The following YEATS2 variants were observed in gnomAD, a reference collection of about 807,000 sequenced individuals.
The protein encoded by YEATS2 is YEATS domain containing 2, also known as YEATS domain-containing protein 2.
A neutral mutation model predicts 163.2 loss-of-function variants in YEATS2; 77 were observed. The ratio of observed to expected loss-of-function variants is 0.47; its 90% CI spans 0.39 to 0.57. YEATS2 has a LOEUF of 0.57. Among genes scored for constraint, YEATS2 ranks in the 20% least tolerant of loss-of-function variants. The pLI is 0.00. For synonymous variants in YEATS2, 631 were observed against 645.1 expected, an observed-to-expected ratio of 0.98 and a Z score of 0.33; for missense variants, 1,549 against 1,729.8, an observed-to-expected ratio of 0.90 and a Z score of 1.85.
At chr3:183,761,336 C>T (rs1326313149) in intron 13 of YEATS2, among the ~76,000 whole-genome samples, 171 bp from the exon 14 acceptor site, 1 of 152,202 alleles carries the variant, frequency 6.6e-6, no homozygotes, top group Non-Finnish European at 1.5e-5. Context: ...ATCCACCCAC[C>T]TCTGCCTCCC....
intron 8 of YEATS2, among the ~76,000 whole-genome samples, chr3:183,746,703 T>TATTAA (rs936914007): frequency 6.6e-6 from 1 of 150,440 alleles, no homozygotes; most frequent in African/African-American, 2.5e-5. Flanking sequence ...AAGGTTTAAA[T>TATTAA]ATTAAAACTC....
chr3:183,735,964 G>A (rs1718294544), intron 7 of YEATS2, among the ~76,000 whole-genome samples: 1 of 152,114 alleles, frequency 6.6e-6, no homozygotes, highest in Non-Finnish European at 1.5e-5. Flanking sequence ...ATTGTTTTGA[G>A]TACTTAATGA....
intron 1 of YEATS2, among the ~76,000 whole-genome samples, chr3:183,713,720 G>A (rs541997661): frequency 6.6e-6 from 1 of 152,362 alleles, no homozygotes; most frequent in East Asian, 1.9e-4. Flanking sequence ...CTTTGGAAGA[G>A]GAGCACTGTC....
At chr3:183,803,392 C>A in intron 26 of YEATS2, 57 bp downstream of exon 26, 1 of 1,458,606 alleles carries the variant, frequency 6.9e-7, no homozygotes, top group East Asian at 2.3e-5. Context: ...TCTTATGGAA[C>A]AGGGATAAGA....
Position 183,711,422 on chromosome 3 carries a change from G to T in YEATS2, c.-19-3722G>T, listed in dbSNP as rs1194232979. On this transcript the variant is annotated intron_variant, in intron 1 of 30. Transcript: ENST00000305135. ...CGGGAGGTGGAGCTTGCAGTGAGCT[G>T]AGATCGCGCCACTGCACTCCAGCCT... 2.7e-5 allele frequency among the ~76,000 whole-genome samples: 4 copies of T among 145,884 alleles called. No homozygotes were observed. The Admixed American group carries it at 2.8e-4, about 10-fold the overall frequency.
At chr3:183,726,833 C>G (rs185815991) in intron 6 of YEATS2, among the ~76,000 whole-genome samples, 1 of 152,222 alleles carries the variant, frequency 6.6e-6, no homozygotes, top group African/African-American at 2.4e-5. Flanking sequence ...CGGAGTTTTA[C>G]TCTTGTTGCC....
chr3:183,809,446 T>C (rs907486405), intron 30 of YEATS2: 17 of 290,678 alleles, frequency 5.8e-5, no homozygotes, highest in Non-Finnish European at 8.3e-5. Flanking sequence ...TGAATAAATA[T>C]TAGCTTTGCA....
rs762398517 is a variant in YEATS2, at chr3:183,724,499, A to G, written c.618A>G (p.Val206=). The change falls in exon 6 of 31, where the codon GTA becomes GTG. Residue 206 remains valine, a synonymous_variant. Coordinates refer to ENST00000305135, the MANE Select transcript of YEATS2 (RefSeq NM_018023.5). Reference sequence around the variant, plus strand: ...CAGATGAGACTTCACGACTTTTTGTAAAGAAAACAATAGTAGTGGGCAATG... The same window carrying G: ...CAGATGAGACTTCACGACTTTTTGTGAAGAAAACAATAGTAGTGGGCAATG... ...DLTDETSRLF[V]KKTIVVGNVS... 2 of 1,613,516 alleles carry G rather than the reference A, an allele frequency of 1.2e-6. No individual in the cohort carries two copies. Among genetic ancestry groups the G allele is most frequent in the East Asian group, 2.2e-5 (1 of 44,858 alleles).
At chr3:183,803,679 G>A (rs1725904924) in intron 26 of YEATS2, 1 of 483,430 alleles carries the variant, frequency 2.1e-6, no homozygotes, top group Non-Finnish European at 3.7e-6. Flanking sequence ...ACCAGGTGAA[G>A]ATCCTTACAG....
intron 20 of YEATS2, 136 bp from the exon 21 acceptor site, chr3:183,790,661 G>C: frequency 1.2e-6 from 1 of 866,266 alleles, no homozygotes; most frequent in East Asian, 2.7e-5. Flanking sequence ...TTTTTTAAAT[G>C]GTATGGCATT....
At chr3:183,716,249 G>A (rs189402567) in intron 2 of YEATS2, among the ~76,000 whole-genome samples, 29 of 152,244 alleles carry the variant, frequency 1.9e-4, no homozygotes, top group Admixed American at 8.5e-4. Flanking sequence ...GTGAGCCACC[G>A]CGCCCGGCAA....
intron 18 of YEATS2, among the ~76,000 whole-genome samples, chr3:183,776,875 C>A (rs1361430929): frequency 4.0e-5 from 6 of 151,790 alleles, no homozygotes; most frequent in Non-Finnish European, 8.8e-5. Flanking sequence ...TCACTTGAAC[C>A]CGGGAGGCAG....
intron 1 of YEATS2, among the ~76,000 whole-genome samples, chr3:183,709,675 A>T (rs113344237): frequency 9.6e-5 from 12 of 125,158 alleles, no homozygotes; most frequent in South Asian, 2.5e-4. Context: ...AATGAGATAA[A>T]TTTTTTTTTT....
At chr3:183,798,499 G>A (rs760051966) in intron 22 of YEATS2, among the ~76,000 whole-genome samples, 43 of 152,018 alleles carry the variant, frequency 2.8e-4, no homozygotes, top group Admixed American at 9.8e-4. Flanking sequence ...GACTACAGGC[G>A]CGTGCCACCA....
intron 19 of YEATS2, among the ~76,000 whole-genome samples, chr3:183,782,683 C>G (rs1276947967): frequency 6.6e-6 from 1 of 152,208 alleles, no homozygotes; most frequent in African/African-American, 2.4e-5. Context: ...CTCGGCTTCC[C>G]AAAGTGCTGG....
chr3:183,776,116 C>G lies in YEATS2; in HGVS notation c.2570C>G (p.Thr857Ser). 1.9e-6 allele frequency: 3 copies of G among 1,567,762 alleles called. No individual in the cohort carries two copies. Among genetic ancestry groups the G allele is most frequent in the Non-Finnish European group, 2.6e-6 (3 of 1,158,260 alleles). The change falls in exon 18 of 31, where the codon ACT becomes AGT. Residue 857 changes from threonine to serine, a missense_variant. Transcript: ENST00000305135. Reference protein sequence around the residue: ...LTYTSYILKQTPQGTFLVGQP... With the variant: ...LTYTSYILKQSPQGTFLVGQP... ...TACACATCTTACATCCTCAAGCAAACTCCCCAGGTCTGGTTCTCTGTAACT... is the reference window on the plus strand; with the variant it reads ...TACACATCTTACATCCTCAAGCAAAGTCCCCAGGTCTGGTTCTCTGTAACT...
intron 26 of YEATS2, 172 bp downstream of exon 26, chr3:183,803,507 T>C (rs1458583275): frequency 1.5e-6 from 1 of 660,026 alleles, no homozygotes; most frequent in Non-Finnish European, 2.6e-6. Context: ...AGGCGTGCCT[T>C]CTTTTCCTGC....
intron 1 of YEATS2, among the ~76,000 whole-genome samples, chr3:183,708,960 G>T (rs985701623): frequency 2.0e-5 from 3 of 151,950 alleles, no homozygotes; most frequent in Non-Finnish European, 2.9e-5. Context: ...AGAGATTCGA[G>T]ACCAGCCTGG....
chr3:183,709,108 C>T (rs1189739788), intron 1 of YEATS2, among the ~76,000 whole-genome samples: 2 of 150,804 alleles, frequency 1.3e-5, no homozygotes, highest in African/African-American at 2.4e-5. Context: ...TGCAGTGAGC[C>T]AAGATCATGC....
Sources: allele counts gnomAD v4.1 joint callset (sites outside exome capture counted in the v4.1 genomes callset), GRCh38; gene constraint gnomAD v4.1.1; transcripts MANE v1.5; gene names NCBI Gene and HGNC (gene_info 2026-07-23, HGNC 2026-07-21).